GNAQ: variants seen among roughly 807,000 people sequenced by gnomAD.
GNAQ encodes the protein guanine nucleotide-binding protein G(q) subunit alpha.
A neutral mutation model predicts 43.9 loss-of-function variants in GNAQ; 8 were observed. The ratio of observed to expected loss-of-function variants is 0.18; its 90% CI spans 0.11 to 0.33. The LOEUF is 0.33. GNAQ is among the 10% of genes least tolerant of loss of function. The pLI is 1.00. For synonymous variants in GNAQ, 155 were observed against 170.7 expected, an observed-to-expected ratio of 0.91 and a Z score of 0.71; for missense variants, 158 against 450.8, an observed-to-expected ratio of 0.35 and a Z score of 5.88.
At chr9:77,836,791 T>C (rs1827394318) in intron 2 of GNAQ, among the ~76,000 whole-genome samples, 1 of 152,248 alleles carries the variant, frequency 6.6e-6, no homozygotes, top group Admixed American at 6.5e-5. Context: ...TTTAAATTAG[T>C]ATTAAATCCT....
rs184928248 is a variant in GNAQ, at chr9:77,881,388, T to C, written c.321+40773A>G. 2.6e-5 allele frequency among the ~76,000 whole-genome samples: 4 copies of C among 152,328 alleles called. No individual in the cohort carries two copies. In the East Asian group the frequency reaches 7.7e-4, roughly 29 times the overall value. ...AAAGTGTCCCATTGGTTGAATATTA[T>C]TATTTTAAGAGACAGGGTCTTGCTC... On this transcript the variant is annotated intron_variant, in intron 2 of 6. Coordinates refer to ENST00000286548, the MANE Select transcript of GNAQ (RefSeq NM_002072.5).
In GNAQ at chr9:77,954,336, T is replaced by C. The variant is rs181753304; in HGVS notation, c.137-31991A>G. The stretch of plus-strand genomic sequence containing the variant: ...AAGGAGAAGTCATCTTCCTTTCACA[T>C]AGTAAGTGTCAAAGCAAAAGAAGGT... On this transcript the variant is annotated intron_variant, in intron 1 of 6. Coordinates refer to ENST00000286548, the MANE Select transcript of GNAQ (RefSeq NM_002072.5). Among the ~76,000 whole-genome samples, 44 of 152,316 alleles carry C rather than the reference T, an allele frequency of 2.9e-4. No homozygotes were observed. The East Asian group carries it at 7.7e-3, about 27-fold the overall frequency.
At chr9:77,979,582 A>G (rs1406507936) in intron 1 of GNAQ, among the ~76,000 whole-genome samples, 1 of 152,152 alleles carries the variant, frequency 6.6e-6, no homozygotes, top group Non-Finnish European at 1.5e-5. Context: ...CAATTAAGCT[A>G]ATAAAAAGAA....
intron 5 of GNAQ, among the ~76,000 whole-genome samples, chr9:77,787,001 G>C (rs942551460): frequency 6.6e-6 from 1 of 152,178 alleles, no homozygotes; most frequent in African/African-American, 2.4e-5. Context: ...CTACACGACA[G>C]TATAAATGAG....
chr9:77,892,062 G>A (rs1168565608), intron 2 of GNAQ, among the ~76,000 whole-genome samples: 1 of 152,154 alleles, frequency 6.6e-6, no homozygotes, highest in Non-Finnish European at 1.5e-5. Flanking sequence ...TTGCTAATAG[G>A]TCTTGAGCAG....
intron 1 of GNAQ, among the ~76,000 whole-genome samples, chr9:78,005,155 G>A (rs1307019620): frequency 2.6e-5 from 4 of 152,014 alleles, no homozygotes; most frequent in Non-Finnish European, 2.9e-5. Flanking sequence ...GGGCTCAAGC[G>A]ATCCTCCCAC....
intron 1 of GNAQ, among the ~76,000 whole-genome samples, chr9:78,030,345 A>G (rs574432289): frequency 2.0e-5 from 3 of 152,230 alleles, no homozygotes; most frequent in South Asian, 2.1e-4. Context: ...AATGGTGCAG[A>G]CGAGAATAAC....
intron 2 of GNAQ, among the ~76,000 whole-genome samples, chr9:77,825,379 T>A (rs1827176997): frequency 6.6e-6 from 1 of 152,172 alleles, no homozygotes; most frequent in Admixed American, 6.5e-5. Context: ...ACCTAGCAAC[T>A]GCCCACTGAC....
At chr9:77,982,733 TAA>T (rs562254223) in intron 1 of GNAQ, among the ~76,000 whole-genome samples, 70 of 121,764 alleles carry the variant, frequency 5.7e-4, no homozygotes, top group African/African-American at 7.3e-4. Context: ...ATTCTATGTT[TAA>T]AAAAAAAAAA....
rs1057409356 is a variant in GNAQ, at chr9:77,800,852, G to A, written c.477-3204C>T. On this transcript the variant is annotated intron_variant, in intron 3 of 6. Coordinates refer to ENST00000286548, the MANE Select transcript of GNAQ (RefSeq NM_002072.5). ...TTTGAAAAACCTGAATGTACATTTC[G>A]AAATCCACAAGTTCACCATTTAACT... 1.3e-4 allele frequency among the ~76,000 whole-genome samples: 20 copies of A among 152,208 alleles called. No homozygotes were observed. The South Asian group carries it at 1.5e-3, about 11-fold the overall frequency.
At chr9:77,898,134 C>T (rs1276656738) in intron 2 of GNAQ, among the ~76,000 whole-genome samples, 1 of 152,174 alleles carries the variant, frequency 6.6e-6, no homozygotes, top group Non-Finnish European at 1.5e-5. Flanking sequence ...TGTTCTGTCA[C>T]TGGATAATCC....
rs553625138 is a variant in GNAQ at position 77,954,806 on chromosome 9, G to A, written c.137-32461C>T. The stretch of plus-strand genomic sequence containing the variant: ...AGGGTCTCCTGAATCTTGCAACGGC[G>A]CTATTAAGCTGACAAAACGTCACCA... On this transcript the variant is annotated intron_variant, in intron 1 of 6. Transcript: ENST00000286548. 2.1e-3 allele frequency among the ~76,000 whole-genome samples: 315 copies of A among 152,228 alleles called. 7 individuals are homozygous for A. The highest frequency in any genetic ancestry group is 3.4e-3 in the Middle Eastern group (1 of 292).
intron 2 of GNAQ, among the ~76,000 whole-genome samples, chr9:77,868,139 C>A (rs2118015295): frequency 6.6e-6 from 1 of 152,272 alleles, no homozygotes; most frequent in South Asian, 2.1e-4. Context: ...CATATCACAG[C>A]ATATAGCATA....
At chr9:78,029,942 C>T (rs1824028998) in intron 1 of GNAQ, among the ~76,000 whole-genome samples, 1 of 152,204 alleles carries the variant, frequency 6.6e-6, no homozygotes, top group Admixed American at 6.5e-5. Context: ...GCTCAGGGTT[C>T]TGTCACTGTG....
At chr9:77,818,722 A>G (rs111249572) in intron 2 of GNAQ, among the ~76,000 whole-genome samples, 1 of 152,194 alleles carries the variant, frequency 6.6e-6, no homozygotes, top group African/African-American at 2.4e-5. Flanking sequence ...AGGGAGGGCC[A>G]GCCATGCTGG....
Position 77,716,952 on chromosome 9 carries a change from C to G in GNAQ, c.*4371G>C, listed in dbSNP as rs1825235334. 1 of 232,554 alleles carries G rather than the reference C, an allele frequency of 4.3e-6. No homozygotes were observed. 14.4% of individuals were successfully genotyped at this position (232,554 alleles called of 1,614,324 possible). On this transcript the variant is annotated 3_prime_UTR_variant, in exon 7 of 7. Coordinates refer to ENST00000286548, the MANE Select transcript of GNAQ (RefSeq NM_002072.5). ...GGGAAGACAGCAGGAAATGGCTATT[C>G]TGTGAGAAAAACAAATGACAAGTTT... is the stretch of plus-strand genomic sequence containing the variant.
chr9:77,795,092 C>A (rs1219188726), intron 4 of GNAQ, among the ~76,000 whole-genome samples: 1 of 152,118 alleles, frequency 6.6e-6, no homozygotes, highest in African/African-American at 2.4e-5. Flanking sequence ...CCACTAAATG[C>A]AGATACGACC....
At chr9:78,001,078 G>T (rs1429410918) in intron 1 of GNAQ, among the ~76,000 whole-genome samples, 1 of 152,076 alleles carries the variant, frequency 6.6e-6, no homozygotes, top group Non-Finnish European at 1.5e-5. Flanking sequence ...TATAAAACAA[G>T]GAACTAAGGG....
intron 1 of GNAQ, among the ~76,000 whole-genome samples, chr9:77,925,989 T>C (rs557716442): frequency 6.6e-6 from 1 of 152,340 alleles, no homozygotes; most frequent in Non-Finnish European, 1.5e-5. Flanking sequence ...TGTATTGTCA[T>C]TTGTATTATT....
Sources: gnomAD v4.1 joint callset for allele counts (sites outside exome capture counted in the v4.1 genomes callset) on GRCh38, gnomAD v4.1.1 for gene constraint, MANE v1.5 for transcripts, NCBI Gene and HGNC (gene_info 2026-07-23, HGNC 2026-07-21) for gene names.